Variants in CARNMT1 observed in about 807,000 individuals in gnomAD.
CARNMT1 encodes the protein carnosine N-methyltransferase 1, also known as protein-L-histidine N-pros-methyltransferase CARNMT1.
In CARNMT1, 28 loss-of-function variants were observed where a neutral mutation model predicts 49.6. The ratio of observed to expected loss-of-function variants is 0.56; its 90% CI spans 0.42 to 0.77. CARNMT1 has a LOEUF of 0.77. Among genes scored for constraint, CARNMT1 ranks in the 30% least tolerant of loss-of-function variants. The pLI is 0.00. For synonymous variants in CARNMT1, 178 were observed against 175.0 expected, an observed-to-expected ratio of 1.02 and a Z score of -0.13; for missense variants, 421 against 512.6, an observed-to-expected ratio of 0.82 and a Z score of 1.73.
chr9:75,013,417 C>T (rs1833757165), intron 3 of CARNMT1, among the ~76,000 whole-genome samples: 1 of 151,906 alleles, frequency 6.6e-6, no homozygotes, highest in Admixed American at 6.6e-5. Flanking sequence ...TAAAGTTATA[C>T]CTCCAATAAT....
At chr9:74,985,127 G>A in intron 6 of CARNMT1, 117 bp from the exon 7 acceptor site, 1 of 755,644 alleles carries the variant, frequency 1.3e-6, no homozygotes, top group Non-Finnish European at 2.1e-6. Context: ...AAAAAGTCTG[G>A]GCATTTGCTG....
At chr9:75,018,518 C>T (rs1351587443) in intron 1 of CARNMT1, among the ~76,000 whole-genome samples, 2 of 152,144 alleles carry the variant, frequency 1.3e-5, no homozygotes, top group Non-Finnish European at 2.9e-5. Flanking sequence ...ATGGTAAGTG[C>T]ATACATCAGC....
chr9:74,996,781 C>T (rs1188424444), intron 5 of CARNMT1, among the ~76,000 whole-genome samples: 1 of 152,130 alleles, frequency 6.6e-6, no homozygotes, highest in African/African-American at 2.4e-5. Context: ...TGGAAATCAT[C>T]CCCAATAACA....
chr9:75,027,257 T>C, intron 1 of CARNMT1: 3 of 593,168 alleles, frequency 5.1e-6, no homozygotes, highest in Non-Finnish European at 6.4e-6. Context: ...TAGGGAGCTG[T>C]TTTTATGAAT....
Position 74,983,700 on chromosome 9 carries a change from T to C in CARNMT1, c.*67A>G. ...GTGTCCTGTCATCACTGATAGTTGA[T>C]TTTGAGTCGTTGATTTCAGCATTTG... is the stretch of plus-strand genomic sequence containing the variant. On this transcript the variant is annotated 3_prime_UTR_variant, in exon 8 of 8. Transcript: ENST00000376834. 1 of 915,904 alleles carries C rather than the reference T, an allele frequency of 1.1e-6. No individual in the cohort carries two copies. The highest frequency in any genetic ancestry group is 1.7e-6 in the Non-Finnish European group (1 of 582,804). 56.7% of individuals were successfully genotyped at this position (915,904 alleles called of 1,614,324 possible). A position where few individuals can be genotyped will look rare whatever the true frequency, so the allele number is the denominator to read the frequency against.
intron 6 of CARNMT1, 83 bp from the exon 7 acceptor site, chr9:74,985,093 T>C: frequency 2.0e-6 from 2 of 1,018,750 alleles, no homozygotes; most frequent in Non-Finnish European, 3.0e-6. Flanking sequence ...GTTGAGTAAG[T>C]TAGGTACTGG....
At chr9:75,007,677 C>T (rs1386724852) in intron 3 of CARNMT1, among the ~76,000 whole-genome samples, 1 of 144,874 alleles carries the variant, frequency 6.9e-6, no homozygotes, top group Non-Finnish European at 1.5e-5. Flanking sequence ...TGCAGAGAGC[C>T]AAGATCATGC....
At chr9:75,009,421 G>C (rs1404470143) in intron 3 of CARNMT1, among the ~76,000 whole-genome samples, 4 of 151,704 alleles carry the variant, frequency 2.6e-5, no homozygotes, top group Non-Finnish European at 5.9e-5. Context: ...TCTTTTCGGT[G>C]TAAGTAAGTA....
chr9:75,007,132 A>T (rs889400634), intron 3 of CARNMT1, among the ~76,000 whole-genome samples: 1 of 152,236 alleles, frequency 6.6e-6, no homozygotes, highest in Admixed American at 6.5e-5. Flanking sequence ...TGGACTTTAT[A>T]GAAAGTATTA....
At chr9:75,021,550 C>A (rs1822364845) in intron 1 of CARNMT1, among the ~76,000 whole-genome samples, 1 of 150,710 alleles carries the variant, frequency 6.6e-6, no homozygotes, top group Non-Finnish European at 1.5e-5. Flanking sequence ...AAAGCATGAA[C>A]AATGTAGAAA....
chr9:75,016,160 C>T (rs576698033), intron 3 of CARNMT1, 108 bp downstream of exon 3: 2 of 783,610 alleles, frequency 2.6e-6, no homozygotes, highest in East Asian at 2.6e-5. Flanking sequence ...GTAAAACATA[C>T]AGGCACACAG....
chr9:75,016,876 T>C (rs538928875), intron 2 of CARNMT1: 2 of 290,774 alleles, frequency 6.9e-6, no homozygotes, highest in South Asian at 2.4e-4. Flanking sequence ...GTGAAAACAA[T>C]TTCTTACAAT....
intron 3 of CARNMT1, among the ~76,000 whole-genome samples, chr9:75,003,822 C>T (rs981463468): frequency 5.9e-5 from 9 of 152,222 alleles, no homozygotes; most frequent in Non-Finnish European, 8.8e-5. Context: ...TGTAGAACAG[C>T]TTCCCTTAAA....
intron 6 of CARNMT1, among the ~76,000 whole-genome samples, chr9:74,990,369 GATAT>G (rs1832974618): frequency 6.6e-6 from 1 of 152,186 alleles, no homozygotes; most frequent in Non-Finnish European, 1.5e-5. Flanking sequence ...CACTGGGTGT[GATAT>G]ATTCTAAGTG....
rs779506448 is a variant in CARNMT1, at chr9:74,984,940, T to C, written c.1095A>G (p.Lys365=). 2.5e-6 allele frequency: 4 copies of C among 1,613,748 alleles called. No individual in the cohort carries two copies. The African/African-American group carries it at 5.3e-5, about 22-fold the overall frequency. The change falls in exon 7 of 8, where the codon AAA becomes AAG. Residue 365 remains lysine (K), a synonymous_variant. Transcript: ENST00000376834. ...LSIELSYEDI[K]NVVLQYGFKV... ...TGAATCCATACTGCAGAACAACGTT[T>C]TTTATATCCTCATAGCTCAATTCTA...
chr9:75,005,479 T>TC (rs1238706169), intron 3 of CARNMT1, among the ~76,000 whole-genome samples: 1 of 150,712 alleles, frequency 6.6e-6, no homozygotes, highest in East Asian at 1.9e-4. Context: ...TATGATCTTT[T>TC]TTTTTTTTTT....
chr9:75,016,482 A>G (rs903756332), intron 2 of CARNMT1, 51 bp from the exon 3 acceptor site: 4 of 1,573,404 alleles, frequency 2.5e-6, no homozygotes, highest in Non-Finnish European at 2.6e-6. Context: ...ATCCACTTAT[A>G]TTATGGTTAA....
rs543743800 is a variant in CARNMT1 at position 74,987,131 on chromosome 9, TAA to T, written c.1025-2123_1025-2122del. 1.9e-3 allele frequency among the ~76,000 whole-genome samples: 295 copies of T among 152,330 alleles called. 1 individual carries two copies. Among genetic ancestry groups the T allele is most frequent in the African/African-American group, 6.6e-3 (276 of 41,578 alleles). ...CCAAAAATGCTTTCCCAAAGAGTTA[TAA>T]GTTTTCACTCACAATTGCAATAAGT... On this transcript the variant is annotated intron_variant, in intron 6 of 7. Coordinates refer to ENST00000376834, the MANE Select transcript of CARNMT1 (RefSeq NM_152420.3).
At chr9:74,989,126 C>A (rs2118757869) in intron 6 of CARNMT1, among the ~76,000 whole-genome samples, 1 of 152,008 alleles carries the variant, frequency 6.6e-6, no homozygotes, top group Middle Eastern at 3.4e-3. Flanking sequence ...CATTTTTTTA[C>A]TGAGTGTTGG....
Sources: allele counts gnomAD v4.1 joint callset (sites outside exome capture counted in the v4.1 genomes callset), GRCh38; gene constraint gnomAD v4.1.1; transcripts MANE v1.5; gene names NCBI Gene and HGNC (gene_info 2026-07-23, HGNC 2026-07-21).